Variants in CUTC observed in about 807,000 individuals in gnomAD.
CUTC encodes copper homeostasis protein cutC homolog.
In CUTC, 27 loss-of-function variants were observed where a neutral mutation model predicts 36.2. The observed-to-expected ratio is 0.75, with a 90% CI of 0.55 to 1.03. The LOEUF (loss-of-function observed/expected upper bound fraction) is 1.03. Ranked by LOEUF, CUTC falls within the 50% of genes least tolerant of loss-of-function variation. The pLI, the probability that CUTC is intolerant of heterozygous loss-of-function variation, is 0.00. For synonymous variants in CUTC, 114 were observed against 118.3 expected (o/e 0.96, Z 0.24); for missense variants, 315 against 343.5 (o/e 0.92, Z 0.66).
chr10:99,733,029 A>G (rs1256213768), intron 1 of CUTC, among the ~76,000 whole-genome samples: 2 of 152,178 alleles, frequency 1.3e-5, no homozygotes, highest in East Asian at 1.9e-4. Flanking sequence ...ACATCTATCT[A>G]TTTTGACTGT....
intron 7 of CUTC, among the ~76,000 whole-genome samples, chr10:99,751,436 C>T (rs774595137): frequency 2.0e-5 from 3 of 152,206 alleles, no homozygotes; most frequent in Non-Finnish European, 2.9e-5. Context: ...AAGCGATCCT[C>T]CTGCCTCAGC....
At position 99,739,756 on chromosome 10, in the gene CUTC, T is replaced by G. The variant is rs72832531; in HGVS notation, c.180T>G (p.Thr60=). ...GTTCTGGTTTATCAGAGGGGGGAAC[T>G]ACACCCAGCATGGGTAAGTGTCCAT... is the stretch of plus-strand genomic sequence containing the variant. The part of the protein sequence containing the change: ...ELCSGLSEGG[T]TPSMGVLQVV... The change falls in exon 3 of 9, where the codon ACT becomes ACG. Residue 60 remains threonine, a synonymous_variant. Coordinates refer to ENST00000370476, the MANE Select transcript of CUTC (RefSeq NM_015960.3). 1 of 1,611,090 alleles carries G rather than the reference T, an allele frequency of 6.2e-7. No homozygotes were observed. The highest frequency in any genetic ancestry group is 8.5e-7 in the Non-Finnish European group (1 of 1,178,884).
At chr10:99,736,177 C>A in intron 1 of CUTC, 69 bp from the exon 2 acceptor site, 2 of 1,317,620 alleles carry the variant, frequency 1.5e-6, no homozygotes, top group Non-Finnish European at 2.2e-6. Context: ...AGAATGTAAA[C>A]CCTTTGTGGT....
At chr10:99,732,797 T>G (rs1268446754) in intron 1 of CUTC, among the ~76,000 whole-genome samples, 1 of 152,148 alleles carries the variant, frequency 6.6e-6, no homozygotes, top group African/African-American at 2.4e-5. Context: ...TAACCTGCAG[T>G]TACCTGTAGC....
chr10:99,733,289 A>G (rs2133656411), intron 1 of CUTC, among the ~76,000 whole-genome samples: 1 of 152,304 alleles, frequency 6.6e-6, no homozygotes, highest in Non-Finnish European at 1.5e-5. Context: ...ACCCTGGGCG[A>G]CAGAGCGAGA....
rs536676406 is a variant in CUTC, at chr10:99,747,406, CT to C, written c.573+23del. ...CATTGAGCAGGTACGTGGACTTTAT[CT>C]TTTTTTCCCCTAAGACTCTGTTGTG... On this transcript the variant is annotated intron_variant, in intron 6 of 8. Coordinates refer to ENST00000370476, the MANE Select transcript of CUTC (RefSeq NM_015960.3). 138 of 1,613,686 alleles carry C rather than the reference CT, an allele frequency of 8.6e-5. No individual in the cohort carries two copies. The highest frequency in any genetic ancestry group is 1.2e-4 in the Admixed American group (7 of 59,948).
At position 99,732,366 on chromosome 10, in the gene CUTC, C is replaced by G; in HGVS notation, c.18C>G (p.Ala6=). 1.9e-6 allele frequency: 3 copies of G among 1,553,234 alleles called. No individual in the cohort carries two copies. Among genetic ancestry groups the G allele is most frequent in the South Asian group, 1.2e-5 (1 of 84,158 alleles). Residue 6 remains alanine (A), a synonymous_variant, in exon 1 of 9, where the codon GCC becomes GCG. Coordinates refer to ENST00000370476, the MANE Select transcript of CUTC (RefSeq NM_015960.3). ...CGTGGAGCATGAAAAGGCAGGGGGC[C>G]TCCTCTGAGCGAAAACGAGCGCGGA... MKRQG[A]SSERKRARIP...
intron 7 of CUTC, among the ~76,000 whole-genome samples, chr10:99,751,648 A>G (rs1208366070): frequency 6.6e-6 from 1 of 152,238 alleles, no homozygotes; most frequent in African/African-American, 2.4e-5. Context: ...ACCTGAGGTC[A>G]AGAGTTCGAG....
intron 7 of CUTC, among the ~76,000 whole-genome samples, chr10:99,751,942 T>C (rs529120182): frequency 1.3e-5 from 2 of 152,340 alleles, no homozygotes; most frequent in East Asian, 3.9e-4. Flanking sequence ...TGATATTGTT[T>C]AGCTTGTTCC....
rs376315140 is a variant in CUTC at position 99,750,352 on chromosome 10, T to G, written c.574-17T>G. On this transcript the variant is annotated splice_polypyrimidine_tract_variant and intron_variant, in intron 6 of 8. Transcript: ENST00000370476. ...AAAGATATTAAAATTCACTTGTTTT[T>G]TTTTTTCTTTTTTCAGGCAAAAGGC... 2.0e-5 allele frequency: 31 copies of G among 1,578,828 alleles called. No individual in the cohort carries two copies. Among genetic ancestry groups the G allele is most frequent in the Non-Finnish European group, 2.4e-5 (28 of 1,167,336 alleles).
chr10:99,736,184 T>C (rs2037295575), intron 1 of CUTC, 62 bp from the exon 2 acceptor site: 1 of 1,385,084 alleles, frequency 7.2e-7, no homozygotes, highest in Admixed American at 1.7e-5. Context: ...AAACCCTTTG[T>C]GGTAAATTGG....
At chr10:99,750,420 C>G (rs200221495) in intron 7 of CUTC, 24 bp downstream of exon 7, 2 of 1,579,398 alleles carry the variant, frequency 1.3e-6, no homozygotes, top group Non-Finnish European at 1.7e-6. Flanking sequence ...TATCAATTCA[C>G]TAGCATAACA....
intron 2 of CUTC, 59 bp from the exon 3 acceptor site, chr10:99,739,651 T>G: frequency 1.4e-6 from 2 of 1,405,928 alleles, no homozygotes; most frequent in Non-Finnish European, 2.0e-6. Flanking sequence ...ATAAACAGGT[T>G]GCTGTTTAAT....
chr10:99,748,682 A>T (rs1172628472), intron 6 of CUTC, among the ~76,000 whole-genome samples: 1 of 152,240 alleles, frequency 6.6e-6, no homozygotes, highest in Non-Finnish European at 1.5e-5. Flanking sequence ...GGCAATAATT[A>T]GAGGAAGCTT....
intron 6 of CUTC, among the ~76,000 whole-genome samples, chr10:99,747,861 A>G (rs59127824): frequency 8.9e-4 from 135 of 152,272 alleles, no homozygotes; most frequent in African/African-American, 3.1e-3. Context: ...TTGTCAGCCC[A>G]TGTATATTCA....
chr10:99,736,713 A>G (rs2037299758), intron 2 of CUTC, among the ~76,000 whole-genome samples: 1 of 152,220 alleles, frequency 6.6e-6, no homozygotes, highest in Non-Finnish European at 1.5e-5. Flanking sequence ...GGAAGCACAG[A>G]CATTTCCATC....
In CUTC at chr10:99,747,400, C is replaced by CT. The variant is rs779088868; in HGVS notation, c.573+13dup. ...GCGACTCATTGAGCAGGTACGTGGA[C>CT]TTTATCTTTTTTTCCCCTAAGACTC... On this transcript the variant is annotated intron_variant, in intron 6 of 8. Transcript: ENST00000370476. The CT allele has an allele frequency of 5.6e-6, 9 of 1,613,702 alleles. No individual in the cohort carries two copies. Among genetic ancestry groups the CT allele is most frequent in the Admixed American group, 3.3e-5 (2 of 59,944 alleles).
chr10:99,732,718 C>A (rs1282400109), intron 1 of CUTC: 2 of 651,886 alleles, frequency 3.1e-6, no homozygotes, highest in African/African-American at 3.9e-5. Context: ...ACGAGGATGC[C>A]AGTACCGCCC....
chr10:99,753,442 CTG>C (rs1436215839), intron 7 of CUTC, among the ~76,000 whole-genome samples: 1 of 152,204 alleles, frequency 6.6e-6, no homozygotes, highest in Non-Finnish European at 1.5e-5. Context: ...CAGGGTCTCA[CTG>C]TGTCGCCCAG....
Sources: gnomAD v4.1 joint callset for allele counts (sites outside exome capture counted in the v4.1 genomes callset) on GRCh38, gnomAD v4.1.1 for gene constraint, MANE v1.5 for transcripts, NCBI Gene and HGNC (gene_info 2026-07-23, HGNC 2026-07-21) for gene names.